KCTD16: variants seen among roughly 807,000 people sequenced by gnomAD.
The protein encoded by KCTD16 is BTB/POZ domain-containing protein KCTD16.
Under a neutral mutation model 33.2 loss-of-function variants are expected in KCTD16, and 13 were observed. The observed-to-expected ratio is 0.39, with a 90% CI of 0.25 to 0.62. The LOEUF is 0.62. Ranked by LOEUF, KCTD16 falls within the 20% of genes least tolerant of loss-of-function variation. The pLI, the probability that KCTD16 is intolerant of heterozygous loss-of-function variation, is 0.50. For missense variants in KCTD16, 441 were observed against 525.1 expected (o/e 0.84, Z 1.57); for synonymous variants, 197 against 195.3 (o/e 1.01, Z -0.07).
chr5:144,283,399 C>A (rs1755659369), intron 3 of KCTD16, among the ~76,000 whole-genome samples: 1 of 152,194 alleles, frequency 6.6e-6, no homozygotes, highest in South Asian at 2.1e-4. Context: ...AGTGAATTTA[C>A]TCCATCTTAG....
chr5:144,428,923 T>C (rs908886434), intron 3 of KCTD16, among the ~76,000 whole-genome samples: 1 of 152,202 alleles, frequency 6.6e-6, no homozygotes, highest in African/African-American at 2.4e-5. Flanking sequence ...TCTCCAACTT[T>C]TGTTTTTTAA....
chr5:144,184,665 C>A (rs983658755), intron 2 of KCTD16, among the ~76,000 whole-genome samples: 7 of 152,156 alleles, frequency 4.6e-5, no homozygotes, highest in African/African-American at 1.7e-4. Flanking sequence ...ATACGATAGC[C>A]AACACTTGTT....
intron 3 of KCTD16, among the ~76,000 whole-genome samples, chr5:144,258,006 C>CTA: frequency 6.6e-6 from 1 of 152,254 alleles, no homozygotes; most frequent in African/African-American, 2.4e-5. Flanking sequence ...AGCTATAGAG[C>CTA]TATACCCCAG....
chr5:144,479,051 T>A lies in KCTD16; in HGVS notation c.*4937T>A, dbSNP rs947220450. 2.0e-5 allele frequency: 3 copies of A among 151,986 alleles called. No homozygotes were observed. The highest frequency in any genetic ancestry group is 7.2e-5 in the African/African-American group (3 of 41,424). The allele number at this position is 151,986 out of a possible 1,614,324, so 9.4% of individuals were successfully genotyped here. A position where few individuals can be genotyped will look rare whatever the true frequency, so the allele number is the denominator to read the frequency against. ...ACCCAACAAGAAATAAAAATAATGA[T>A]CTTTCCCAAGGAGAGTTGTTTATTT... is the stretch of plus-strand genomic sequence containing the variant. On this transcript the variant is annotated 3_prime_UTR_variant, in exon 4 of 4. Coordinates refer to ENST00000512467, the MANE Select transcript of KCTD16 (RefSeq NM_020768.4).
intron 3 of KCTD16, among the ~76,000 whole-genome samples, chr5:144,459,391 A>C (rs1754143034): frequency 1.3e-5 from 2 of 151,730 alleles, no homozygotes; most frequent in South Asian, 4.2e-4. Context: ...TTGCTTTGTC[A>C]CCCAGGCTGG....
intron 3 of KCTD16, among the ~76,000 whole-genome samples, chr5:144,402,644 G>C (rs957011207): frequency 3.3e-5 from 5 of 152,154 alleles, no homozygotes; most frequent in Non-Finnish European, 5.9e-5. Context: ...AATCTCTCAA[G>C]AGGGTTTAGC....
chr5:144,446,570 A>C (rs745426778), intron 3 of KCTD16, among the ~76,000 whole-genome samples: 1 of 152,042 alleles, frequency 6.6e-6, no homozygotes, highest in Non-Finnish European at 1.5e-5. Context: ...TCTAATTAAA[A>C]TAAAGAGCTC....
At chr5:144,437,317 G>A (rs1753600885) in intron 3 of KCTD16, among the ~76,000 whole-genome samples, 1 of 152,160 alleles carries the variant, frequency 6.6e-6, no homozygotes, top group Non-Finnish European at 1.5e-5. Context: ...CTCTACAATG[G>A]GAAACATGTT....
rs1754768925 is a variant in KCTD16 at position 144,484,731 on chromosome 5, C to T, written c.*10617C>T. On this transcript the variant is annotated 3_prime_UTR_variant, in exon 4 of 4. Transcript: ENST00000512467. ...TGGGGCCTTGCTCATGTTACTTTTT[C>T]CTGACGTCATTCAAGCACTTGATGA... 6.6e-6 allele frequency: 1 copy of T among 151,946 alleles called. No homozygotes were observed. The highest frequency in any genetic ancestry group is 1.5e-5 in the Non-Finnish European group (1 of 67,940). 9.4% of individuals were successfully genotyped at this position (151,946 alleles called of 1,614,324 possible).
chr5:144,306,419 C>G (rs1353757701), intron 3 of KCTD16, among the ~76,000 whole-genome samples: 1 of 152,226 alleles, frequency 6.6e-6, no homozygotes, highest in Non-Finnish European at 1.5e-5. Context: ...TGGCAGCAGC[C>G]CAGCCACTGC....
chr5:144,303,636 T>A (rs987603374), intron 3 of KCTD16, among the ~76,000 whole-genome samples: 1 of 151,976 alleles, frequency 6.6e-6, no homozygotes. Context: ...CTCTTCATTA[T>A]CAACTCTTTA....
At chr5:144,191,495 A>G (rs888799432) in intron 2 of KCTD16, among the ~76,000 whole-genome samples, 2 of 152,148 alleles carry the variant, frequency 1.3e-5, no homozygotes, top group Admixed American at 6.5e-5. Flanking sequence ...TCCCTTCTAC[A>G]TAGAACCTTT....
In KCTD16 at chr5:144,310,920, A is replaced by G. The variant is rs138787571; in HGVS notation, c.832+103374A>G. On this transcript the variant is annotated intron_variant, in intron 3 of 3. Transcript: ENST00000512467. ...GCAGCTCTGAGGAGCGGGAAAATACATTATCCGCAGTGCTAAGGTTCACTC... is the reference window on the plus strand; with the variant it reads ...GCAGCTCTGAGGAGCGGGAAAATACGTTATCCGCAGTGCTAAGGTTCACTC... Among the ~76,000 whole-genome samples the G allele has an allele frequency of 2.6e-4, 39 of 152,290 alleles. 1 individual carries two copies. The highest frequency in any genetic ancestry group is 5.1e-4 in the Non-Finnish European group (35 of 68,008).
rs1465375017 is a variant in KCTD16, at chr5:144,478,937, G to GT, written c.*4829dup. 2.0e-5 allele frequency: 3 copies of GT among 151,796 alleles called. No homozygotes were observed. Among genetic ancestry groups the GT allele is most frequent in the Non-Finnish European group, 4.4e-5 (3 of 67,878 alleles). 9.4% of individuals were successfully genotyped at this position (151,796 alleles called of 1,614,324 possible). A position where few individuals can be genotyped will look rare whatever the true frequency, so the allele number is the denominator to read the frequency against. ...TGTATGTGTATGTGTATGTGTATGG[G>GT]TTTTTTCCCAAAATAAAAGCCTGCA... On this transcript the variant is annotated 3_prime_UTR_variant, in exon 4 of 4. Transcript: ENST00000512467.
intron 2 of KCTD16, among the ~76,000 whole-genome samples, chr5:144,185,917 A>G (rs1561522211): frequency 6.6e-6 from 1 of 152,126 alleles, no homozygotes; most frequent in African/African-American, 2.4e-5. Context: ...GTCAAGTGCT[A>G]TTATCATCCT....
intron 3 of KCTD16, among the ~76,000 whole-genome samples, chr5:144,267,218 T>C (rs1755169126): frequency 1.3e-5 from 2 of 152,210 alleles, no homozygotes; most frequent in Non-Finnish European, 2.9e-5. Context: ...CTGTGTCAGA[T>C]GGCCTGGTTT....
At chr5:144,417,137 C>T (rs1470329229) in intron 3 of KCTD16, among the ~76,000 whole-genome samples, 1 of 152,164 alleles carries the variant, frequency 6.6e-6, no homozygotes, top group African/African-American at 2.4e-5. Flanking sequence ...TGTAGTGTCA[C>T]ATGGTAATTC....
At position 144,474,886 on chromosome 5, in the gene KCTD16, T is replaced by C. The variant is rs1192308922; in HGVS notation, c.*772T>C. The C allele has an allele frequency of 6.6e-6, 1 of 152,228 alleles. No homozygotes were observed. Among genetic ancestry groups the C allele is most frequent in the Admixed American group, 6.5e-5 (1 of 15,276 alleles). The allele number at this position is 152,228 out of a possible 1,614,324, so 9.4% of individuals were successfully genotyped here. A position where few individuals can be genotyped will look rare whatever the true frequency, so the allele number is the denominator to read the frequency against. On this transcript the variant is annotated 3_prime_UTR_variant, in exon 4 of 4. Transcript: ENST00000512467. Reference sequence around the variant, plus strand: ...ATTGTATTCCTTATTGTGAAATTAATACCCTCAGGCTCCATTTTACTGCTT... The same window carrying C: ...ATTGTATTCCTTATTGTGAAATTAACACCCTCAGGCTCCATTTTACTGCTT...
At chr5:144,296,449 C>T (rs1756039455) in intron 3 of KCTD16, among the ~76,000 whole-genome samples, 1 of 152,154 alleles carries the variant, frequency 6.6e-6, no homozygotes, top group South Asian at 2.1e-4. Context: ...CTCCCATGTT[C>T]AATTGCCTCT....
Sources: allele counts gnomAD v4.1 joint callset (sites outside exome capture counted in the v4.1 genomes callset), GRCh38; gene constraint gnomAD v4.1.1; transcripts MANE v1.5; gene names NCBI Gene and HGNC (gene_info 2026-07-23, HGNC 2026-07-21).